Variants in RAD51AP1 observed in about 807,000 individuals in gnomAD.
RAD51AP1 encodes the protein RAD51-associated protein 1.
Under a neutral mutation model 34.3 loss-of-function variants are expected in RAD51AP1, and 14 were observed. The ratio of observed to expected loss-of-function variants is 0.41; its 90% CI spans 0.27 to 0.64. The LOEUF is 0.64. Among genes scored for constraint, RAD51AP1 ranks in the 30% least tolerant of loss-of-function variants. The pLI is 0.33. For missense variants in RAD51AP1, 348 were observed against 386.9 expected, an observed-to-expected ratio of 0.90 and a Z score of 0.84; for synonymous variants, 114 against 129.8, an observed-to-expected ratio of 0.88 and a Z score of 0.83.
chr12:4,551,570 C>T (rs536090729), intron 6 of RAD51AP1, among the ~76,000 whole-genome samples: 25 of 150,604 alleles, frequency 1.7e-4, no homozygotes, highest in Admixed American at 1.7e-3. Flanking sequence ...GAATTTAGGA[C>T]ATTCTACAGG....
intron 8 of RAD51AP1, among the ~76,000 whole-genome samples, chr12:4,557,665 A>G (rs979932475): frequency 6.6e-6 from 1 of 152,236 alleles, no homozygotes; most frequent in South Asian, 2.1e-4. Context: ...TTAAAAAAAT[A>G]CAAGGAAACA....
At chr12:4,554,770 A>G (rs1426101030) in intron 7 of RAD51AP1, among the ~76,000 whole-genome samples, 7 of 152,226 alleles carry the variant, frequency 4.6e-5, no homozygotes, top group African/African-American at 1.7e-4. Flanking sequence ...TATTGGGTAA[A>G]CTTTGCGAAT....
At chr12:4,553,600 G>A (rs1449947878) in intron 7 of RAD51AP1, among the ~76,000 whole-genome samples, 1 of 148,918 alleles carries the variant, frequency 6.7e-6, no homozygotes, top group Admixed American at 6.7e-5. Flanking sequence ...GCTTTACTTA[G>A]TCTGATTTGA....
intron 3 of RAD51AP1, among the ~76,000 whole-genome samples, chr12:4,545,006 G>C (rs1944495779): frequency 6.6e-6 from 1 of 152,172 alleles, no homozygotes; most frequent in African/African-American, 2.4e-5. Flanking sequence ...TGGTTTAGCA[G>C]TTCCTCAAAA....
intron 6 of RAD51AP1, among the ~76,000 whole-genome samples, chr12:4,550,050 G>T (rs1944535178): frequency 6.6e-6 from 1 of 152,194 alleles, no homozygotes; most frequent in Non-Finnish European, 1.5e-5. Context: ...AAAGAAAAGA[G>T]AAAATTGCAG....
chr12:4,556,280 T>C (rs1410290368), intron 7 of RAD51AP1, 73 bp from the exon 8 acceptor site: 1 of 1,114,096 alleles, frequency 9.0e-7, no homozygotes, highest in African/African-American at 1.6e-5. Context: ...ACTTTATAAT[T>C]TTTACACATA....
At chr12:4,552,602 T>C (rs892338443) in intron 6 of RAD51AP1, among the ~76,000 whole-genome samples, 1 of 152,250 alleles carries the variant, frequency 6.6e-6, no homozygotes, top group Non-Finnish European at 1.5e-5. Flanking sequence ...GTTAAAATGG[T>C]AAAATCTGAA....
chr12:4,558,734 C>A, intron 8 of RAD51AP1, 123 bp from the exon 9 acceptor site: 1 of 1,152,884 alleles, frequency 8.7e-7, no homozygotes, highest in Non-Finnish European at 1.2e-6. Context: ...TAGTTTATTG[C>A]TTGATAGACA....
intron 1 of RAD51AP1, 43 bp downstream of exon 1, chr12:4,538,999 AG>A (rs1944429065): frequency 1.2e-6 from 2 of 1,602,680 alleles, no homozygotes; most frequent in East Asian, 4.5e-5. Context: ...AGGAAAACTA[AG>A]GGAAAAGACA....
In RAD51AP1 at chr12:4,541,860, G is replaced by GA. The variant is rs201103510; in HGVS notation, c.18-18dup. On this transcript the variant is annotated intron_variant, in intron 1 of 8. Coordinates refer to ENST00000352618, the MANE Select transcript of RAD51AP1 (RefSeq NM_006479.5). Reference sequence around the variant, plus strand: ...GTGAGAAATTGACATTTGTGTTAATGAAAAAATTCTGTTTTGGTCATAGAC... The same window carrying GA: ...GTGAGAAATTGACATTTGTGTTAATGAAAAAAATTCTGTTTTGGTCATAGAC... The GA allele has an allele frequency of 8.7e-4, 1,198 of 1,377,958 alleles. 9 individuals are homozygous for GA. The African/African-American group carries it at 0.015, about 17-fold the overall frequency. 85.4% of individuals were successfully genotyped at this position (1,377,958 alleles called of 1,614,324 possible). A position where few individuals can be genotyped will look rare whatever the true frequency, so the allele number is the denominator to read the frequency against.
chr12:4,557,822 C>T (rs769313080), intron 8 of RAD51AP1, among the ~76,000 whole-genome samples: 2 of 152,022 alleles, frequency 1.3e-5, no homozygotes, highest in Admixed American at 6.5e-5. Context: ...CTCAGGAGCG[C>T]GTACCCTTTT....
chr12:4,541,168 T>A lies in RAD51AP1; in HGVS notation c.18-716T>A, dbSNP rs186081276. On this transcript the variant is annotated intron_variant, in intron 1 of 8. Transcript: ENST00000352618. The stretch of plus-strand genomic sequence containing the variant: ...ACCTACATGGCACTCAAAGGAAATG[T>A]TCATTGGAGCACTTCAGATTTTAGA... Among the ~76,000 whole-genome samples the A allele has an allele frequency of 2.1e-4, 32 of 152,280 alleles. No individual in the cohort carries two copies. In the East Asian group the frequency reaches 6.0e-3, roughly 28 times the overall value.
intron 3 of RAD51AP1, among the ~76,000 whole-genome samples, chr12:4,545,567 T>C (rs1944499989): frequency 6.6e-6 from 1 of 152,222 alleles, no homozygotes; most frequent in Non-Finnish European, 1.5e-5. Flanking sequence ...ATGTGAATTA[T>C]ATCTTAAGAA....
chr12:4,552,258 C>A (rs892291636), intron 6 of RAD51AP1, among the ~76,000 whole-genome samples: 2 of 152,116 alleles, frequency 1.3e-5, no homozygotes, highest in Admixed American at 1.3e-4. Flanking sequence ...TGATCCTAAC[C>A]CCCTCAAAAA....
At position 4,542,085 on chromosome 12, in the gene RAD51AP1, T is replaced by G. The variant is rs74061953; in HGVS notation, c.67+152T>G. 2.2e-3 allele frequency: 911 copies of G among 413,340 alleles called. 10 individuals are homozygous for G. The highest frequency in any genetic ancestry group is 0.017 in the African/African-American group (845 of 48,764). 25.6% of individuals were successfully genotyped at this position (413,340 alleles called of 1,614,324 possible). ...GTTTTCTAATCATTTGGGATAATTA[T>G]GCTGATAATTATACTGATAAAAATT... On this transcript the variant is annotated intron_variant, in intron 2 of 8. Transcript: ENST00000352618.
At position 4,548,760 on chromosome 12, in the gene RAD51AP1, A is replaced by C. The variant is rs116552921; in HGVS notation, c.480A>C (p.Ala160=). 3.0e-4 allele frequency: 485 copies of C among 1,614,006 alleles called. 2 individuals carry two copies. The African/African-American group carries it at 5.6e-3, about 19-fold the overall frequency. The change falls in exon 6 of 9, where the codon GCA becomes GCC. Residue 160 remains alanine (A), a synonymous_variant. Coordinates refer to ENST00000352618, the MANE Select transcript of RAD51AP1 (RefSeq NM_006479.5). Reference sequence around the variant, plus strand: ...AAAGAAAAGCAGCATCTAAAGCTGCAGCACAGCAGAGGAAGATTCTTCTGG... The same window carrying C: ...AAAGAAAAGCAGCATCTAAAGCTGCCGCACAGCAGAGGAAGATTCTTCTGG... The part of the protein sequence containing the change: ...QGKRKAASKA[A]AQQRKILLEG...
At chr12:4,541,413 C>G (rs866797310) in intron 1 of RAD51AP1, among the ~76,000 whole-genome samples, 37 of 151,972 alleles carry the variant, frequency 2.4e-4, no homozygotes, top group African/African-American at 4.8e-4. Flanking sequence ...CTTTTAGTGT[C>G]AAGAAATTTA....
rs1166546031 is a variant in RAD51AP1, at chr12:4,548,852, C to T, written c.556+16C>T. On this transcript the variant is annotated intron_variant, in intron 6 of 8. Transcript: ENST00000352618. ...TTTGCACCTGGTAGGTTTTATTCTA[C>T]TTCGAAATTAATTCTATGGGAATTC... The T allele has an allele frequency of 9.4e-6, 15 of 1,599,894 alleles. No individual in the cohort carries two copies. The highest frequency in any genetic ancestry group is 1.2e-5 in the Non-Finnish European group (14 of 1,172,946).
rs1944603245 is a variant in RAD51AP1 at position 4,559,080 on chromosome 12, T to TATA, written c.*89_*90insAAT. On this transcript the variant is annotated 3_prime_UTR_variant, in exon 9 of 9. Transcript: ENST00000352618. Reference sequence around the variant, plus strand: ...GATTTGTGTTTATATTTGAGGCAGGTATTGTAATATAAAGGAATCCATTAC... The same window carrying TATA: ...GATTTGTGTTTATATTTGAGGCAGGTATAATTGTAATATAAAGGAATCCATTAC... 1 of 1,482,712 alleles carries TATA rather than the reference T, an allele frequency of 6.7e-7. No individual in the cohort carries two copies. The highest frequency in any genetic ancestry group is 1.4e-5 in the African/African-American group (1 of 71,924). 91.8% of individuals were successfully genotyped at this position (1,482,712 alleles called of 1,614,324 possible).
Sources: gnomAD v4.1 joint callset for allele counts (sites outside exome capture counted in the v4.1 genomes callset) on GRCh38, gnomAD v4.1.1 for gene constraint, MANE v1.5 for transcripts, NCBI Gene and HGNC (gene_info 2026-07-23, HGNC 2026-07-21) for gene names.